The following TRHDE variants were observed in gnomAD, a reference collection of about 807,000 sequenced individuals.
The protein encoded by TRHDE is thyrotropin-releasing hormone-degrading ectoenzyme.
In TRHDE, 72 loss-of-function variants were observed where a neutral mutation model predicts 125.7. That is an observed-to-expected ratio of 0.57 (90% CI 0.47 to 0.70). The LOEUF (loss-of-function observed/expected upper bound fraction) is 0.70, where lower values mean the gene tolerates loss of function less well. Ranked by LOEUF, TRHDE falls within the 30% of genes least tolerant of loss-of-function variation. The pLI is 0.00. For missense variants in TRHDE, 1,110 were observed against 1,327.1 expected, an observed-to-expected ratio of 0.84 and a Z score of 2.54; for synonymous variants, 509 against 509.1, an observed-to-expected ratio of 1.00 and a Z score of 0.00.
intron 3 of TRHDE, among the ~76,000 whole-genome samples, chr12:72,419,961 C>T (rs1449080513): frequency 6.6e-6 from 1 of 152,040 alleles, no homozygotes; most frequent in Non-Finnish European, 1.5e-5. Flanking sequence ...GTCTCATTTT[C>T]CAAAGAAGCA....
rs796052150 is a variant in TRHDE, at chr12:72,575,305, A to C, written c.2182A>C (p.Ile728Leu). Residue 728 changes from isoleucine to leucine, a missense_variant, in exon 11 of 19, where the codon ATC (isoleucine) becomes CTC (leucine). Coordinates refer to ENST00000261180, the MANE Select transcript of TRHDE (RefSeq NM_013381.3). ...LDKGSWLLGN[I>L]NQTGYFRVNY... ...CAAAGGAAGCTGGCTGCTGGGGAAC[A>C]TCAATCAAACTGGCTATTTTAGAGT... 1 of 1,613,640 alleles carries C rather than the reference A, an allele frequency of 6.2e-7. No homozygotes were observed. The highest frequency in any genetic ancestry group is 8.5e-7 in the Non-Finnish European group (1 of 1,179,724).
At chr12:72,226,418 A>G (rs181980929) in intron 2 of TRHDE, among the ~76,000 whole-genome samples, 120 of 152,320 alleles carry the variant, frequency 7.9e-4, no homozygotes, top group African/African-American at 2.8e-3. Flanking sequence ...AAACTCCGAT[A>G]TATACAAAAG....
chr12:72,436,550 C>A (rs1874753795), intron 3 of TRHDE, among the ~76,000 whole-genome samples: 1 of 151,544 alleles, frequency 6.6e-6, no homozygotes, highest in Admixed American at 6.6e-5. Context: ...TCAAGTGTAC[C>A]CCATCTCCTG....
At position 72,667,681 on chromosome 12, in the gene TRHDE, C is replaced by T. The variant is rs186076118; in HGVS notation, c.*4486C>T. The T allele has an allele frequency of 6.6e-6, 1 of 151,778 alleles. No homozygotes were observed. The highest frequency in any genetic ancestry group is 1.9e-4 in the East Asian group (1 of 5,144). The allele number at this position is 151,778 out of a possible 1,614,324, so 9.4% of individuals were successfully genotyped here. On this transcript the variant is annotated 3_prime_UTR_variant, in exon 19 of 19. Transcript: ENST00000261180. ...ATACAACTATTTTTGTACACTAGTT[C>T]TCAAAACATTTATGATACCTAGTAT...
chr12:72,239,893 TTGTC>T (rs1285670131), intron 2 of TRHDE, among the ~76,000 whole-genome samples: 2 of 152,252 alleles, frequency 1.3e-5, no homozygotes, highest in Non-Finnish European at 2.9e-5. Flanking sequence ...AAAATGAACT[TTGTC>T]TGTCCTATTT....
At chr12:72,135,549 G>GTTTT (rs202197870) in intron 2 of TRHDE, among the ~76,000 whole-genome samples, 197 of 140,490 alleles carry the variant, frequency 1.4e-3, no homozygotes, top group African/African-American at 4.1e-3. Context: ...GTGTAAACAT[G>GTTTT]TTTTTTTTTT....
intron 12 of TRHDE, among the ~76,000 whole-genome samples, chr12:72,595,462 A>C (rs1239609374): frequency 6.6e-6 from 1 of 152,096 alleles, no homozygotes; most frequent in Non-Finnish European, 1.5e-5. Flanking sequence ...GATTTCTCTC[A>C]AGCAGAATAT....
At chr12:72,280,157 C>T (rs1374543929) in intron 1 of TRHDE, among the ~76,000 whole-genome samples, 1 of 152,138 alleles carries the variant, frequency 6.6e-6, no homozygotes, top group African/African-American at 2.4e-5. Flanking sequence ...GACTCTGCCA[C>T]TTATTAGCTT....
At chr12:72,157,325 G>A (rs770124919) in intron 2 of TRHDE, among the ~76,000 whole-genome samples, 8 of 152,180 alleles carry the variant, frequency 5.3e-5, no homozygotes, top group Non-Finnish European at 1.0e-4. Flanking sequence ...AATGGGAAGA[G>A]ATTAGAAGCT....
chr12:72,105,465 T>C (rs1163446650), intron 1 of TRHDE, among the ~76,000 whole-genome samples: 3 of 152,156 alleles, frequency 2.0e-5, no homozygotes, highest in Admixed American at 1.3e-4. Context: ...AGTAAGATTA[T>C]GGACAGCTGT....
At chr12:72,428,248 CTT>C (rs1471951830) in intron 3 of TRHDE, among the ~76,000 whole-genome samples, 1 of 152,022 alleles carries the variant, frequency 6.6e-6, no homozygotes, top group South Asian at 2.1e-4. Flanking sequence ...CATAATGACT[CTT>C]GATGACAAGC....
intron 9 of TRHDE, among the ~76,000 whole-genome samples, chr12:72,563,407 C>T (rs1371721832): frequency 1.3e-5 from 2 of 148,646 alleles, no homozygotes; most frequent in African/African-American, 5.2e-5. Context: ...ATTTATAAAA[C>T]AAGTGAGAAC....
chr12:72,309,482 T>C (rs1252569387), intron 2 of TRHDE, among the ~76,000 whole-genome samples: 1 of 151,824 alleles, frequency 6.6e-6, no homozygotes, highest in East Asian at 1.9e-4. Flanking sequence ...AAAGCACAAT[T>C]GGGGAATAAC....
At chr12:72,382,329 G>A (rs1201288983) in intron 3 of TRHDE, among the ~76,000 whole-genome samples, 4 of 152,050 alleles carry the variant, frequency 2.6e-5, no homozygotes, top group Non-Finnish European at 5.9e-5. Flanking sequence ...AATGGGCATG[G>A]GGTTGGGGAG....
intron 1 of TRHDE, among the ~76,000 whole-genome samples, chr12:72,280,573 A>G (rs1293763303): frequency 6.6e-6 from 1 of 152,178 alleles, no homozygotes; most frequent in African/African-American, 2.4e-5. Context: ...AAGAAGGAAA[A>G]GAAAGGTTGT....
upstream of TRHDE, among the ~76,000 whole-genome samples, chr12:72,270,824 G>A (rs1879180672): frequency 6.6e-6 from 1 of 152,172 alleles, no homozygotes; most frequent in Admixed American, 6.5e-5. Context: ...ATACTCTGCA[G>A]TATAATTTTA....
chr12:72,242,137 T>A (rs566802807), intron 2 of TRHDE, among the ~76,000 whole-genome samples: 76 of 152,360 alleles, frequency 5.0e-4, no homozygotes, highest in African/African-American at 1.5e-3. Flanking sequence ...ACACATTTTT[T>A]AAAAAGATAA....
chr12:72,130,169 G>A (rs190292935), intron 2 of TRHDE, among the ~76,000 whole-genome samples: 69 of 152,104 alleles, frequency 4.5e-4, no homozygotes, highest in African/African-American at 1.5e-3. Flanking sequence ...GCGCGGTGGT[G>A]GGTGCCTGTA....
chr12:72,620,391 C>T lies in TRHDE; in HGVS notation c.2470-717C>T, dbSNP rs1873002436. Reference sequence around the variant, plus strand: ...TACAAAAATTAACTGGGTGTAGTGGCTTGTGCCTGTATTCCCAGCTGCTCA... The same window carrying T: ...TACAAAAATTAACTGGGTGTAGTGGTTTGTGCCTGTATTCCCAGCTGCTCA... On this transcript the variant is annotated intron_variant, in intron 13 of 18. Transcript: ENST00000261180. 2.0e-5 allele frequency among the ~76,000 whole-genome samples: 3 copies of T among 146,524 alleles called. No individual in the cohort carries two copies. In the South Asian group the frequency reaches 6.7e-4, roughly 33 times the overall value.
Sources: allele counts gnomAD v4.1 joint callset (sites outside exome capture counted in the v4.1 genomes callset), GRCh38; gene constraint gnomAD v4.1.1; transcripts MANE v1.5; gene names NCBI Gene and HGNC (gene_info 2026-07-23, HGNC 2026-07-21).